Variants in PCDH19 observed in about 807,000 individuals in gnomAD.
PCDH19 encodes the protein protocadherin 19.
In PCDH19, 6 loss-of-function variants were observed where a neutral mutation model predicts 46.2. That is an observed-to-expected ratio of 0.13 (90% CI 0.07 to 0.26). The LOEUF is 0.26. PCDH19 is among the 10% of genes least tolerant of loss of function. The probability of loss-of-function intolerance (pLI) is 1.00; values close to 1 mark genes in which losing one functional copy is unlikely to be tolerated. For missense variants in PCDH19, 740 were observed against 972.3 expected (o/e 0.76, Z 3.18); for synonymous variants, 481 against 415.7 (o/e 1.16, Z -1.91).
intron 3 of PCDH19, among the ~76,000 whole-genome samples, chrX:100,353,100 T>G (rs1286172313): frequency 8.9e-6 from 1 of 112,073 alleles, no homozygotes; most frequent in Non-Finnish European, 1.9e-5. Context: ...GTGGGAATCC[T>G]GATCCCCTGC....
intron 5 of PCDH19, among the ~76,000 whole-genome samples, chrX:100,326,506 G>T (rs1176312834): frequency 1.8e-5 from 2 of 111,458 alleles, no homozygotes; most frequent in African/African-American, 6.5e-5. Context: ...CCACCCATTA[G>T]CCATTTAAGA....
chrX:100,400,828 T>C (rs1928156532), intron 3 of PCDH19, among the ~76,000 whole-genome samples: 1 of 112,007 alleles, frequency 8.9e-6, no homozygotes, highest in Non-Finnish European at 1.9e-5. Context: ...TCCTACAAAA[T>C]TGACACAAAT....
chrX:100,378,519 C>T lies in PCDH19; in HGVS notation c.2616+24005G>A, dbSNP rs769076053. Among the ~76,000 whole-genome samples the T allele has an allele frequency of 9.5e-4, 107 of 112,419 alleles. 1 individual carries two copies. Among genetic ancestry groups the T allele is most frequent in the Admixed American group, 3.3e-3 (35 of 10,662 alleles). On this transcript the variant is annotated intron_variant, in intron 3 of 5. Coordinates refer to ENST00000373034, the MANE Select transcript of PCDH19 (RefSeq NM_001184880.2). ...GAGCTATAACCGTGTCTGATGCTTT[C>T]CAATAGGCAGAATATGCTAAACTAA...
At chrX:100,328,970 T>G (rs975111196) in intron 5 of PCDH19, among the ~76,000 whole-genome samples, 1 of 111,742 alleles carries the variant, frequency 8.9e-6, no homozygotes, top group Non-Finnish European at 1.9e-5. Flanking sequence ...GATGGTTAGT[T>G]GGAATGGTGG....
intron 4 of PCDH19, among the ~76,000 whole-genome samples, chrX:100,342,894 C>T (rs1177311222): frequency 8.9e-6 from 1 of 111,929 alleles, no homozygotes; most frequent in Admixed American, 9.5e-5. Flanking sequence ...AACTTGACTG[C>T]ACCATGGAAT....
In PCDH19 at chrX:100,350,687, A is replaced by G; in HGVS notation, c.2634T>C (p.Phe878=). The change falls in exon 4 of 6, where the codon TTT becomes TTC. Residue 878 remains phenylalanine (F), a synonymous_variant. Coordinates refer to ENST00000373034, the MANE Select transcript of PCDH19 (RefSeq NM_001184880.2). ...VPLPETENYS[F]DSNYVNSRAH... ...CTCGGCTATTCACGTAGTTGGAGTCAAAAGAATAGTTTTCAGTCTGCAATG... is the reference window on the plus strand; with the variant it reads ...CTCGGCTATTCACGTAGTTGGAGTCGAAAGAATAGTTTTCAGTCTGCAATG... 8.5e-7 allele frequency: 1 copy of G among 1,179,780 alleles called. No individual in the cohort carries two copies. Among genetic ancestry groups the G allele is most frequent in the Non-Finnish European group, 1.2e-6 (1 of 866,203 alleles).
chrX:100,328,646 A>G (rs1209490768), intron 5 of PCDH19, among the ~76,000 whole-genome samples: 3 of 111,750 alleles, frequency 2.7e-5, no homozygotes, highest in African/African-American at 6.5e-5. Flanking sequence ...CAGTCAAAAC[A>G]TAACGGTGGT....
chrX:100,332,547 C>T lies in PCDH19; in HGVS notation c.2848+9356G>A, dbSNP rs187734726. Among the ~76,000 whole-genome samples the T allele has an allele frequency of 3.4e-3, 376 of 110,528 alleles. 2 individuals are homozygous for T. The highest frequency in any genetic ancestry group is 2.8e-3 in the Non-Finnish European group (146 of 52,861). ...AAAAAAAAATGCTTGGTATCAATCC[C>T]TTAAACTGGCTATGAATGGACTTAA... is the stretch of plus-strand genomic sequence containing the variant. On this transcript the variant is annotated intron_variant, in intron 5 of 5. Transcript: ENST00000373034.
At chrX:100,309,154 G>GCACACACACACACACACACACACACACA (rs55663829) in intron 5 of PCDH19, among the ~76,000 whole-genome samples, 3 of 81,769 alleles carry the variant, frequency 3.7e-5, no homozygotes. Context: ...TGTGATGCAT[G>GCACACACACACACACACACACACACACA]CACACACACA....
chrX:100,323,489 T>A (rs1343564395), intron 5 of PCDH19, among the ~76,000 whole-genome samples: 1 of 111,862 alleles, frequency 8.9e-6, no homozygotes, highest in Non-Finnish European at 1.9e-5. Flanking sequence ...ATCCTTGCAC[T>A]GCTTTACAAT....
chrX:100,367,332 A>T (rs1412778009), intron 3 of PCDH19, among the ~76,000 whole-genome samples: 1 of 112,200 alleles, frequency 8.9e-6, no homozygotes, highest in African/African-American at 3.2e-5. Context: ...TTAAATGGAG[A>T]GACAATTATA....
chrX:100,379,925 A>G (rs370285026), intron 3 of PCDH19, among the ~76,000 whole-genome samples: 1 of 112,036 alleles, frequency 8.9e-6, no homozygotes, highest in Non-Finnish European at 1.9e-5. Flanking sequence ...GCATGGACTC[A>G]AAAGGGCCAT....
chrX:100,314,401 G>A (rs943032938), intron 5 of PCDH19, among the ~76,000 whole-genome samples: 4 of 111,764 alleles, frequency 3.6e-5, no homozygotes, highest in African/African-American at 9.8e-5. Context: ...CAGACTGTCC[G>A]GATGATATTT....
In PCDH19 at chrX:100,402,973, A is replaced by G. The variant is rs1341422459; in HGVS notation, c.2289-122T>C. 5.5e-6 allele frequency: 3 copies of G among 549,813 alleles called. No homozygotes were observed. The East Asian group carries it at 1.1e-4, about 20-fold the overall frequency. The allele number at this position is 549,813 out of a possible 1,213,427, so 45.3% of individuals were successfully genotyped here. A position where few individuals can be genotyped will look rare whatever the true frequency, so the allele number is the denominator to read the frequency against. On this transcript the variant is annotated intron_variant, in intron 2 of 5. Coordinates refer to ENST00000373034, the MANE Select transcript of PCDH19 (RefSeq NM_001184880.2). ...CCGCTCCAGCTCCTTATTCTGGTGC[A>G]TTACATCATCGGGTTTCTCCCTGTG...
At chrX:100,374,166 C>T (rs2147511030) in intron 3 of PCDH19, among the ~76,000 whole-genome samples, 1 of 112,707 alleles carries the variant, frequency 8.9e-6, no homozygotes, top group South Asian at 3.7e-4. Flanking sequence ...GAACAAATAA[C>T]AGTTATTAAT....
At position 100,408,763 on chromosome X, in the gene PCDH19, C is replaced by T; in HGVS notation, c.-166G>A. 4.1e-6 allele frequency: 1 copy of T among 241,952 alleles called. No homozygotes were observed. The allele number at this position is 241,952 out of a possible 1,213,427, so 19.9% of individuals were successfully genotyped here. ...GGGCGGCCCGGCGGCGCGCGGGGGACACCCGCGGCGGCTCCAATGCTGAGG... is the reference window on the plus strand; with the variant it reads ...GGGCGGCCCGGCGGCGCGCGGGGGATACCCGCGGCGGCTCCAATGCTGAGG... On this transcript the variant is annotated 5_prime_UTR_variant, in exon 1 of 6. Coordinates refer to ENST00000373034, the MANE Select transcript of PCDH19 (RefSeq NM_001184880.2).
At chrX:100,341,833 A>G (rs1299441607) in intron 5 of PCDH19, 70 bp downstream of exon 5, 11 of 959,609 alleles carry the variant, frequency 1.1e-5, no homozygotes, top group African/African-American at 1.9e-5. Context: ...GCAAAGTAGT[A>G]TAGTGTGCCT....
rs1184700518 is a variant in PCDH19, at chrX:100,409,251, A to T, written c.-654T>A. The stretch of plus-strand genomic sequence containing the variant: ...AAAGGGGGTGTCGCAGACGGGAGTC[A>T]GTTACTGGCAAGCGCCGCGGGCACC... On this transcript the variant is annotated 5_prime_UTR_variant, in exon 1 of 6. Transcript: ENST00000373034. The T allele has an allele frequency of 8.9e-6, 1 of 112,141 alleles. No individual in the cohort carries two copies. The highest frequency in any genetic ancestry group is 1.9e-5 in the Non-Finnish European group (1 of 53,041). 9.2% of individuals were successfully genotyped at this position (112,141 alleles called of 1,213,427 possible).
intron 3 of PCDH19, among the ~76,000 whole-genome samples, chrX:100,366,455 A>T (rs1261287484): frequency 9.0e-6 from 1 of 111,666 alleles, no homozygotes; most frequent in Non-Finnish European, 1.9e-5. Context: ...TAAGTAGAAA[A>T]GGGAAAATCT....
Sources: gnomAD v4.1 joint callset for allele counts (sites outside exome capture counted in the v4.1 genomes callset) on GRCh38, gnomAD v4.1.1 for gene constraint, MANE v1.5 for transcripts, NCBI Gene and HGNC (gene_info 2026-07-23, HGNC 2026-07-21) for gene names.